LINGO2: variants seen among roughly 807,000 people sequenced by gnomAD.
LINGO2 encodes leucine rich repeat and Ig domain containing 2, also known as leucine-rich repeat and immunoglobulin-like domain-containing nogo receptor-interacting protein 2.
Under a neutral mutation model 30.6 loss-of-function variants are expected in LINGO2, and 14 were observed. That is an observed-to-expected ratio of 0.46 (90% confidence interval 0.30 to 0.72). LINGO2 has a LOEUF of 0.72. Ranked by LOEUF, LINGO2 falls within the 30% of genes least tolerant of loss-of-function variation. The pLI, the probability that LINGO2 is intolerant of heterozygous loss-of-function variation, is 0.07. For synonymous variants in LINGO2, 317 were observed against 288.5 expected, an observed-to-expected ratio of 1.10 and a Z score of -1.00; for missense variants, 729 against 751.7, an observed-to-expected ratio of 0.97 and a Z score of 0.35.
chr9:28,101,776 C>T (rs1459055994), intron 4 of LINGO2, among the ~76,000 whole-genome samples: 3 of 152,108 alleles, frequency 2.0e-5, no homozygotes, highest in African/African-American at 7.2e-5. Flanking sequence ...TGCTAGAAGC[C>T]AAGTGCGGAT....
chr9:28,148,825 G>A lies in LINGO2; in HGVS notation c.-86-136420C>T, dbSNP rs927241600. On this transcript the variant is annotated intron_variant, in intron 4 of 5. Coordinates refer to ENST00000379992, the Ensembl canonical transcript of LINGO2. The surrounding 1 kb of genome is among the most constrained non-coding windows in gnomAD (Gnocchi z 5.1). ...GGCCAGAGAAGGCGGCCTTGAAGGT[G>A]CTGGGTAAAGACCACCTGCCCAGCT... 8 of 1,533,710 alleles carry A rather than the reference G, an allele frequency of 5.2e-6. No individual in the cohort carries two copies. Among genetic ancestry groups the A allele is most frequent in the African/African-American group, 4.1e-5 (3 of 72,972 alleles).
At chr9:29,117,225 A>G in the LINGO2 span, among the ~76,000 whole-genome samples, 4 of 152,306 alleles carry the variant, frequency 2.6e-5, no homozygotes, top group Non-Finnish European at 4.4e-5. Flanking sequence ...TGAAGGAAGC[A>G]GGATAGGGCA....
At chr9:28,245,377 C>A (rs1367791547) in intron 4 of LINGO2, among the ~76,000 whole-genome samples, 1 of 152,168 alleles carries the variant, frequency 6.6e-6, no homozygotes. Context: ...GAAGCGTTCC[C>A]TTTGAAAACT....
intron 1 of LINGO2, among the ~76,000 whole-genome samples, chr9:28,549,122 A>G (rs1192854254): frequency 1.3e-5 from 2 of 152,108 alleles, no homozygotes; most frequent in African/African-American, 2.4e-5. Flanking sequence ...TTTTCTCTCT[A>G]CAGGTTAACT....
the LINGO2 span, among the ~76,000 whole-genome samples, chr9:28,819,773 T>C: frequency 6.6e-6 from 1 of 152,180 alleles, no homozygotes; most frequent in Non-Finnish European, 1.5e-5. Flanking sequence ...TAAGTCAGTG[T>C]CCAAATTCAC....
chr9:28,077,589 A>G (rs1371319786), intron 4 of LINGO2, among the ~76,000 whole-genome samples: 1 of 149,830 alleles, frequency 6.7e-6, no homozygotes, highest in Non-Finnish European at 1.5e-5. Context: ...TTTCATAGAG[A>G]TAACAAAAAC....
chr9:28,761,772 A>G, the LINGO2 span, among the ~76,000 whole-genome samples: 141,487 of 152,008 alleles, frequency 0.93, 65,981 homozygotes, highest in Non-Finnish European at 0.96. Context: ...AGCTAACACA[A>G]ATGGTCACCC....
the LINGO2 span, among the ~76,000 whole-genome samples, chr9:28,779,941 T>C: frequency 2.9e-3 from 439 of 152,172 alleles, 1 homozygote; most frequent in Non-Finnish European, 4.7e-3. Flanking sequence ...ATAGAAAATA[T>C]AGGACAAAAA....
At chr9:28,625,905 G>C (rs763841350) in intron 1 of LINGO2, among the ~76,000 whole-genome samples, 26 of 151,988 alleles carry the variant, frequency 1.7e-4, no homozygotes, top group Non-Finnish European at 3.5e-4. Context: ...ATCTACACAA[G>C]TATTTGTGAA....
intron 3 of LINGO2, among the ~76,000 whole-genome samples, chr9:28,314,788 T>A (rs181938189): frequency 4.0e-5 from 6 of 151,740 alleles, no homozygotes; most frequent in Non-Finnish European, 7.4e-5. Context: ...ATAGAGACCA[T>A]CCTGGCTAAC....
chr9:28,255,878 C>T (rs1822366805), intron 4 of LINGO2, among the ~76,000 whole-genome samples: 3 of 152,036 alleles, frequency 2.0e-5, no homozygotes, highest in Admixed American at 2.0e-4. Flanking sequence ...GTGAAGATTT[C>T]TAACTATCCT....
the LINGO2 span, among the ~76,000 whole-genome samples, chr9:28,940,433 T>G: frequency 6.6e-6 from 1 of 151,132 alleles, no homozygotes; most frequent in Non-Finnish European, 1.5e-5. Flanking sequence ...TCTTTGAATC[T>G]CTACTTAAAT....
chr9:28,343,737 T>G (rs1819454568), intron 3 of LINGO2, among the ~76,000 whole-genome samples: 3 of 152,162 alleles, frequency 2.0e-5, no homozygotes, highest in Admixed American at 1.3e-4. Flanking sequence ...GGAAAAAATT[T>G]GGGCCCACCT....
At chr9:28,213,033 T>G (rs1820644425) in intron 4 of LINGO2, among the ~76,000 whole-genome samples, 1 of 151,588 alleles carries the variant, frequency 6.6e-6, no homozygotes, top group Non-Finnish European at 1.5e-5. Flanking sequence ...ATCTGTAATT[T>G]TTTCATGGTC....
intron 4 of LINGO2, among the ~76,000 whole-genome samples, chr9:28,118,086 T>G (rs1587020306): frequency 1.4e-5 from 2 of 145,304 alleles, no homozygotes; most frequent in Non-Finnish European, 1.5e-5. Context: ...TGTTGGGGGG[T>G]GGAGTAGGGG....
intron 3 of LINGO2, among the ~76,000 whole-genome samples, chr9:28,332,189 T>C (rs2134349279): frequency 1.3e-5 from 2 of 150,828 alleles, no homozygotes; most frequent in East Asian, 3.9e-4. Context: ...CTTTTTAGAA[T>C]TTTTTTTTTC....
Position 28,131,290 on chromosome 9 carries a change from C to T in LINGO2, c.-86-118885G>A, listed in dbSNP as rs561457407. Among the ~76,000 whole-genome samples, 26 of 152,082 alleles carry T rather than the reference C, an allele frequency of 1.7e-4. No homozygotes were observed. The East Asian group carries it at 3.1e-3, about 18-fold the overall frequency. ...CATTCAAGGCCTAGAAAAAGTATCC[C>T]CCTGAGTCATATGGATCTTTGGGGT... is the stretch of plus-strand genomic sequence containing the variant. On this transcript the variant is annotated intron_variant, in intron 4 of 5. Coordinates refer to ENST00000379992, the Ensembl canonical transcript of LINGO2.
intron 2 of LINGO2, among the ~76,000 whole-genome samples, chr9:28,412,513 G>A (rs1205484854): frequency 6.6e-6 from 1 of 152,184 alleles, no homozygotes; most frequent in Non-Finnish European, 1.5e-5. Context: ...GATCTTACAT[G>A]CAGAAAACTC....
chr9:28,020,390 G>C (rs1008412625), intron 4 of LINGO2, among the ~76,000 whole-genome samples: 2 of 152,120 alleles, frequency 1.3e-5, no homozygotes, highest in East Asian at 3.9e-4. Flanking sequence ...CTAGCCAGGT[G>C]TGGTGGCAGG....
Sources: allele counts gnomAD v4.1 joint callset (sites outside exome capture counted in the v4.1 genomes callset), GRCh38; gene constraint gnomAD v4.1.1; non-coding constraint Gnocchi (gnomAD v3.1); transcripts MANE v1.5; gene names NCBI Gene and HGNC (gene_info 2026-07-23, HGNC 2026-07-21).